RSAD2: variants seen among roughly 807,000 people sequenced by gnomAD.
RSAD2 encodes the protein S-adenosylmethionine-dependent nucleotide dehydratase RSAD2.
RSAD2 carries 38 observed loss-of-function variants against 37.7 expected under a neutral mutation model. That is an observed-to-expected ratio of 1.01 (90% CI 0.78 to 1.32). The LOEUF (loss-of-function observed/expected upper bound fraction) is 1.32. Among genes scored for constraint, RSAD2 ranks in the 40% most tolerant of loss-of-function variants. The pLI is 0.00. For missense variants in RSAD2, 428 were observed against 437.5 expected, an observed-to-expected ratio of 0.98 and a Z score of 0.19; for synonymous variants, 163 against 157.4, an observed-to-expected ratio of 1.04 and a Z score of -0.27.
At chr2:6,874,344 A>C (rs1663247352), upstream of RSAD2, among the ~76,000 whole-genome samples, 1 of 152,212 alleles carries the variant, frequency 6.6e-6, no homozygotes, top group African/African-American at 2.4e-5. Flanking sequence ...ACAGCAATGC[A>C]AGAATTGACT....
At chr2:6,894,844 T>C (rs1278511449) in intron 5 of RSAD2, among the ~76,000 whole-genome samples, 2 of 152,322 alleles carry the variant, frequency 1.3e-5, no homozygotes, top group Middle Eastern at 3.4e-3. Context: ...GAAAAGGTGA[T>C]AAGGAAAACA....
Position 6,886,925 on chromosome 2 carries a change from T to C in RSAD2, c.509-10T>C. 1 of 1,608,040 alleles carries C rather than the reference T, an allele frequency of 6.2e-7. No individual in the cohort carries two copies. Among genetic ancestry groups the C allele is most frequent in the South Asian group, 1.1e-5 (1 of 90,954 alleles). Reference sequence around the variant, plus strand: ...GATAGAAAAGTTTAAACATGATCATTTTCCCTCAGGTGAGTATTTGGACAT... The same window carrying C: ...GATAGAAAAGTTTAAACATGATCATCTTCCCTCAGGTGAGTATTTGGACAT... On this transcript the variant is annotated splice_polypyrimidine_tract_variant and intron_variant, in intron 2 of 5. Transcript: ENST00000382040.
intron 4 of RSAD2, among the ~76,000 whole-genome samples, chr2:6,890,714 A>G (rs546017385): frequency 2.5e-4 from 38 of 152,366 alleles, no homozygotes; most frequent in African/African-American, 8.2e-4. Flanking sequence ...TATCAACATT[A>G]TCACTTTATT....
At chr2:6,866,007 G>T (rs1410997847) in exon 1 of RSAD2, 3 of 598,514 alleles carry the variant, frequency 5.0e-6, no homozygotes, top group African/African-American at 4.0e-5. Context: ...CGGCTCCCGG[G>T]GCTGACACCG....
chr2:6,890,292 A>G lies in RSAD2; in HGVS notation c.855A>G (p.Glu285=), dbSNP rs1459510546. 1 of 1,614,122 alleles carries G rather than the reference A, an allele frequency of 6.2e-7. No homozygotes were observed. Among genetic ancestry groups the G allele is most frequent in the Non-Finnish European group, 8.5e-7 (1 of 1,180,038 alleles). ...AAAGATTCTTGGAGCGCCACAAAGA[A>G]GTGTCCTGCTTGGTGCCTGAATCTA... ...EFERFLERHK[E]VSCLVPESNQ... The change falls in exon 4 of 6, where the codon GAA becomes GAG. Residue 285 remains glutamate (E), a synonymous_variant. Coordinates refer to ENST00000382040, the MANE Select transcript of RSAD2 (RefSeq NM_080657.5).
chr2:6,895,654 G>T, intron 5 of RSAD2, 124 bp from the exon 6 acceptor site: 2 of 893,378 alleles, frequency 2.2e-6, no homozygotes, highest in Non-Finnish European at 3.3e-6. Flanking sequence ...ATCAGCCACA[G>T]ATTTCAAAAG....
intron 4 of RSAD2, among the ~76,000 whole-genome samples, chr2:6,891,521 A>C (rs543346281): frequency 6.6e-6 from 1 of 152,262 alleles, no homozygotes; most frequent in South Asian, 2.1e-4. Flanking sequence ...TAATCCCAGC[A>C]CTTTGGGGGG....
chr2:6,876,799 A>T (rs903439123), upstream of RSAD2: 9 of 152,234 alleles, frequency 5.9e-5, no homozygotes, highest in Non-Finnish European at 1.3e-4. Flanking sequence ...TCTTCACAAA[A>T]ATTAGCAGTT....
chr2:6,886,232 A>T (rs1663516894), intron 2 of RSAD2, among the ~76,000 whole-genome samples: 1 of 152,248 alleles, frequency 6.6e-6, no homozygotes, highest in Non-Finnish European at 1.5e-5. Flanking sequence ...ATAATAAGAT[A>T]GGTGGAGTAG....
chr2:6,894,715 G>C (rs1663703564), intron 5 of RSAD2, among the ~76,000 whole-genome samples: 2 of 152,190 alleles, frequency 1.3e-5, no homozygotes, highest in African/African-American at 4.8e-5. Context: ...CCCAGATGCT[G>C]GGATTCCAGG....
At position 6,890,298 on chromosome 2, in the gene RSAD2, C is replaced by T. The variant is rs757062181; in HGVS notation, c.861C>T (p.Ser287=). The change falls in exon 4 of 6, where the codon TCC becomes TCT. Residue 287 remains serine (S), a synonymous_variant. Coordinates refer to ENST00000382040, the MANE Select transcript of RSAD2 (RefSeq NM_080657.5). ...ERFLERHKEV[S]CLVPESNQKM... ...TCTTGGAGCGCCACAAAGAAGTGTC[C>T]TGCTTGGTGCCTGAATCTAACCAGA... is the stretch of plus-strand genomic sequence containing the variant. The T allele has an allele frequency of 3.7e-6, 6 of 1,614,136 alleles. No individual in the cohort carries two copies. The highest frequency in any genetic ancestry group is 3.3e-5 in the South Asian group (3 of 91,074).
At chr2:6,875,631 A>C (rs967495616), upstream of RSAD2, among the ~76,000 whole-genome samples, 1 of 152,180 alleles carries the variant, frequency 6.6e-6, no homozygotes, top group Non-Finnish European at 1.5e-5. Flanking sequence ...CCAGGCCCAT[A>C]TTTTATTCTC....
upstream of RSAD2, among the ~76,000 whole-genome samples, chr2:6,873,287 C>G (rs558181753): frequency 5.3e-5 from 8 of 152,272 alleles, no homozygotes; most frequent in East Asian, 1.9e-4. Context: ...TCCTAAGAAC[C>G]AAGGATTTCC....
At chr2:6,894,770 A>G (rs556569243) in intron 5 of RSAD2, among the ~76,000 whole-genome samples, 1 of 152,340 alleles carries the variant, frequency 6.6e-6, no homozygotes, top group Non-Finnish European at 1.5e-5. Context: ...TTTCAAGTTA[A>G]CCAATCATTG....
chr2:6,881,406 C>T lies in RSAD2; in HGVS notation c.347-1965C>T, dbSNP rs547600386. On this transcript the variant is annotated intron_variant, in intron 1 of 5. Transcript: ENST00000382040. ...TCCAGGCACACCAGCCTGGAGGCTTCTCTACTTATAAAGACTCTAGGCTTT... is the reference window on the plus strand; with the variant it reads ...TCCAGGCACACCAGCCTGGAGGCTTTTCTACTTATAAAGACTCTAGGCTTT... Among the ~76,000 whole-genome samples, 167 of 152,332 alleles carry T rather than the reference C, an allele frequency of 1.1e-3. 1 individual carries two copies. The highest frequency in any genetic ancestry group is 4.0e-3 in the African/African-American group (166 of 41,574).
In RSAD2 at chr2:6,883,381, G is replaced by T; in HGVS notation, c.357G>T (p.Lys119Asn). 6.2e-7 allele frequency: 1 copy of T among 1,614,216 alleles called. No homozygotes were observed. Among genetic ancestry groups the T allele is most frequent in the Non-Finnish European group, 8.5e-7 (1 of 1,180,038 alleles). ...TATCACCTTGCACAGGTATGGAGAA[G>T]ATCAACTTTTCAGGTGGAGAGCCAT... ...LLLLKEAGMEKINFSGGEPFL... is the reference protein window; with the variant it reads ...LLLLKEAGMENINFSGGEPFL... The change falls in exon 2 of 6, where the codon AAG becomes AAT. Residue 119 changes from lysine to asparagine, a missense_variant. Transcript: ENST00000382040.
In RSAD2 at chr2:6,891,096, A is replaced by G. The variant is rs116746013; in HGVS notation, c.888+771A>G. Among the ~76,000 whole-genome samples the G allele has an allele frequency of 9.2e-3, 1,401 of 152,278 alleles. 17 individuals carry two copies. Among genetic ancestry groups the G allele is most frequent in the African/African-American group, 0.032 (1,338 of 41,578 alleles). ...ATGTTAACATGATATACTGAATTGT[A>G]TAAAATAAAGTATTATATATAAAGT... On this transcript the variant is annotated intron_variant, in intron 4 of 5. Transcript: ENST00000382040.
chr2:6,888,010 G>A (rs1030314118), intron 3 of RSAD2, among the ~76,000 whole-genome samples: 1 of 152,206 alleles, frequency 6.6e-6, no homozygotes, highest in Non-Finnish European at 1.5e-5. Context: ...AGCTTAAGTG[G>A]AAGGCTTCAT....
chr2:6,884,363 G>T (rs537029289), intron 2 of RSAD2, among the ~76,000 whole-genome samples: 1 of 152,312 alleles, frequency 6.6e-6, no homozygotes, highest in African/African-American at 2.4e-5. Flanking sequence ...AGATGCAGGT[G>T]AATTAGGAAG....
Sources: allele counts gnomAD v4.1 joint callset (sites outside exome capture counted in the v4.1 genomes callset), GRCh38; gene constraint gnomAD v4.1.1; transcripts MANE v1.5; gene names NCBI Gene and HGNC (gene_info 2026-07-23, HGNC 2026-07-21).